Variants in LIMCH1 observed in about 807,000 individuals in gnomAD.
The protein encoded by LIMCH1 is LIM and calponin homology domains-containing protein 1.
A neutral mutation model predicts 176.5 loss-of-function variants in LIMCH1; 113 were observed. The ratio of observed to expected loss-of-function variants is 0.64; its 90% confidence interval spans 0.55 to 0.75. The LOEUF (loss-of-function observed/expected upper bound fraction) is 0.75. LIMCH1 is among the 30% of genes least tolerant of loss of function. LIMCH1 has a pLI of 0.00. For synonymous variants in LIMCH1, 619 were observed against 645.9 expected (o/e 0.96, Z 0.63); for missense variants, 1,674 against 1,814.9 (o/e 0.92, Z 1.41).
chr4:41,462,372 T>A (rs1582599423), intron 1 of LIMCH1, among the ~76,000 whole-genome samples: 1 of 152,102 alleles, frequency 6.6e-6, no homozygotes, highest in African/African-American at 2.4e-5. Context: ...GAGATGAGAG[T>A]TTTCATTGGT....
intron 1 of LIMCH1, among the ~76,000 whole-genome samples, chr4:41,588,377 ACTT>A (rs1386374899): frequency 6.6e-5 from 10 of 152,084 alleles, no homozygotes; most frequent in Non-Finnish European, 1.5e-5. Context: ...GCTTGTTCAC[ACTT>A]CTTCCAAGAT....
At chr4:41,502,620 C>G (rs1404077846) in intron 2 of LIMCH1, among the ~76,000 whole-genome samples, 1 of 152,144 alleles carries the variant, frequency 6.6e-6, no homozygotes, top group African/African-American at 2.4e-5. Flanking sequence ...GAGACGATAT[C>G]TCATTGTGGT....
At chr4:41,628,693 A>G (rs2093136597) in intron 8 of LIMCH1, among the ~76,000 whole-genome samples, 1 of 152,356 alleles carries the variant, frequency 6.6e-6, no homozygotes, top group South Asian at 2.1e-4. Context: ...GAATATTTAT[A>G]TATATAAATG....
chr4:41,464,345 A>G (rs568223622), intron 1 of LIMCH1, among the ~76,000 whole-genome samples: 2 of 143,046 alleles, frequency 1.4e-5, no homozygotes, highest in Non-Finnish European at 3.0e-5. Flanking sequence ...CTCTGGAGCC[A>G]TTTTCTTTTT....
rs374537805 is a variant in LIMCH1 at position 41,378,871 on chromosome 4, G to A, written c.96+17935G>A. 2.1e-4 allele frequency among the ~76,000 whole-genome samples: 32 copies of A among 152,248 alleles called. No individual in the cohort carries two copies. The East Asian group carries it at 4.6e-3, about 22-fold the overall frequency. Reference sequence around the variant, plus strand: ...CTTGGACATATTAGAAGGCCTTGACGAAGGGGTAGAGAGGGAGCCATTTAT... The same window carrying A: ...CTTGGACATATTAGAAGGCCTTGACAAAGGGGTAGAGAGGGAGCCATTTAT... On this transcript the variant is annotated intron_variant, in intron 1 of 26. Coordinates refer to the LIMCH1 transcript ENST00000313860.
At chr4:41,535,200 A>T (rs986651733), upstream of LIMCH1, among the ~76,000 whole-genome samples, 3 of 150,586 alleles carry the variant, frequency 2.0e-5, no homozygotes, top group African/African-American at 2.4e-5. Context: ...GAAAAGAAAG[A>T]TCTTCATATA....
chr4:41,424,854 C>A (rs1222714492), intron 1 of LIMCH1, among the ~76,000 whole-genome samples: 1 of 152,204 alleles, frequency 6.6e-6, no homozygotes, highest in Non-Finnish European at 1.5e-5. Flanking sequence ...TATCATTCAT[C>A]TTCTGTTTCC....
chr4:41,423,215 C>T (rs901101724), intron 1 of LIMCH1, among the ~76,000 whole-genome samples: 8 of 152,234 alleles, frequency 5.3e-5, no homozygotes, highest in African/African-American at 1.4e-4. Flanking sequence ...TAAAGAAAGC[C>T]GCAAACTTAT....
At chr4:41,662,411 T>C (rs1204484998) in intron 19 of LIMCH1, among the ~76,000 whole-genome samples, 1 of 152,210 alleles carries the variant, frequency 6.6e-6, no homozygotes, top group African/African-American at 2.4e-5. Flanking sequence ...AAATGGAGCA[T>C]TGAAATACAA....
intron 18 of LIMCH1, among the ~76,000 whole-genome samples, chr4:41,652,132 C>T (rs1404603483): frequency 6.6e-6 from 1 of 152,178 alleles, no homozygotes; most frequent in Non-Finnish European, 1.5e-5. Context: ...TGAAAGGAAA[C>T]TTCTTCCGGC....
intron 1 of LIMCH1, among the ~76,000 whole-genome samples, chr4:41,455,366 C>T (rs934759963): frequency 2.6e-5 from 4 of 152,046 alleles, no homozygotes; most frequent in Non-Finnish European, 4.4e-5. Context: ...AGTCCAGGGG[C>T]AGAGAGGGTG....
chr4:41,520,054 T>C (rs1220076420), intron 2 of LIMCH1, among the ~76,000 whole-genome samples: 1 of 152,246 alleles, frequency 6.6e-6, no homozygotes, highest in African/African-American at 2.4e-5. Context: ...TCTATATGCA[T>C]GTAGTTGTAA....
intron 1 of LIMCH1, among the ~76,000 whole-genome samples, chr4:41,386,595 T>A (rs2056528240): frequency 6.6e-6 from 1 of 152,094 alleles, no homozygotes; most frequent in African/African-American, 2.4e-5. Flanking sequence ...AAACAATTAG[T>A]TTTTGTTGTT....
chr4:41,661,592 A>G lies in LIMCH1; in HGVS notation c.3127+82A>G, dbSNP rs1266234432. ...ATGGAAATAGTCAAGAATTTTTCCT[A>G]CTGAGCCACAGGAAAGTAGTAATTA... On this transcript the variant is annotated intron_variant, in intron 19 of 31. Transcript: ENST00000503057. 1.3e-5 allele frequency: 14 copies of G among 1,037,976 alleles called. No individual in the cohort carries two copies. In the East Asian group the frequency reaches 2.8e-4, roughly 21 times the overall value. 64.3% of individuals were successfully genotyped at this position (1,037,976 alleles called of 1,614,324 possible). A position where few individuals can be genotyped will look rare whatever the true frequency, so the allele number is the denominator to read the frequency against.
At chr4:41,481,021 ATT>A (rs548316746) in intron 1 of LIMCH1, among the ~76,000 whole-genome samples, 2 of 145,806 alleles carry the variant, frequency 1.4e-5, no homozygotes, top group Non-Finnish European at 1.5e-5. Flanking sequence ...TCTTAATTAG[ATT>A]TTTTTTTTTT....
rs1257601166 is a variant in LIMCH1, at chr4:41,632,801, C to T, written c.1654C>T (p.Pro552Ser). Residue 552 changes from proline (P) to serine (S), a missense_variant, in exon 11 of 32, where the codon CCT becomes TCT. Coordinates refer to ENST00000503057, the MANE Select transcript of LIMCH1 (RefSeq NM_001330672.2). ...DYCRRASWLAPVPESQEEWVC... is the reference protein window; with the variant it reads ...DYCRRASWLASVPESQEEWVC... ...TTGCAGAAGGGCCTCGTGGCTGGCT[C>T]CTGTGCCGGAGTCTCAGGAAGAGTG... The T allele has an allele frequency of 1.8e-5, 27 of 1,536,074 alleles. No homozygotes were observed. The highest frequency in any genetic ancestry group is 3.9e-5 in the Admixed American group (2 of 50,976).
chr4:41,360,693 G>T (rs1034769110), upstream of LIMCH1: 5 of 398,626 alleles, frequency 1.3e-5, no homozygotes, highest in African/African-American at 6.4e-5. The surrounding 1 kb of genome is among the most constrained non-coding windows in gnomAD (Gnocchi z 4.5). Flanking sequence ...AGCAGCGCGC[G>T]GCTCTCCCGG....
chr4:41,503,255 C>T lies in LIMCH1; in HGVS notation c.167+8649C>T, dbSNP rs34209980. On this transcript the variant is annotated intron_variant, in intron 2 of 26. Coordinates refer to the LIMCH1 transcript ENST00000313860. ...CGTGAATTGGGCCTGGTGCTCATCT[C>T]GGAATTAACCGAATGGCCAGGTCTG... 1.0e-2 allele frequency among the ~76,000 whole-genome samples: 1,516 copies of T among 152,156 alleles called. 39 individuals are homozygous for T. The highest frequency in any genetic ancestry group is 0.058 in the Admixed American group (886 of 15,284).
chr4:41,567,981 C>T (rs1347194407), intron 1 of LIMCH1, among the ~76,000 whole-genome samples: 9 of 152,094 alleles, frequency 5.9e-5, no homozygotes, highest in African/African-American at 1.4e-4. Context: ...AGTGAAACCC[C>T]GGCTCTACTA....
Sources: gnomAD v4.1 joint callset for allele counts (sites outside exome capture counted in the v4.1 genomes callset) on GRCh38, gnomAD v4.1.1 for gene constraint, Gnocchi (gnomAD v3.1) non-coding constraint, MANE v1.5 for transcripts, NCBI Gene and HGNC (gene_info 2026-07-23, HGNC 2026-07-21) for gene names.